Variants in MYO9A observed in about 807,000 individuals in gnomAD.
The protein encoded by MYO9A is unconventional myosin-IXa.
A neutral mutation model predicts 293.3 loss-of-function variants in MYO9A; 103 were observed. That is an observed-to-expected ratio of 0.35 (90% CI 0.30 to 0.41). The LOEUF (loss-of-function observed/expected upper bound fraction) is 0.41. Ranked by LOEUF, MYO9A falls within the 10% of genes least tolerant of loss-of-function variation. The pLI is 1.00. For synonymous variants in MYO9A, 1,001 were observed against 1,035.7 expected (o/e 0.97, Z 0.64); for missense variants, 2,685 against 3,033.0 (o/e 0.89, Z 2.69).
intron 2 of MYO9A, among the ~76,000 whole-genome samples, chr15:72,042,788 G>A (rs980425578): frequency 6.6e-6 from 1 of 152,040 alleles, no homozygotes; most frequent in Non-Finnish European, 1.5e-5. Context: ...GTGGGCAGGT[G>A]TGGTGACTCA....
intron 18 of MYO9A, 149 bp downstream of exon 18, chr15:71,933,521 T>C (rs2058539973): frequency 1.4e-6 from 1 of 719,112 alleles, no homozygotes; most frequent in Admixed American, 2.7e-5. Context: ...ACAGTGTTAT[T>C]TCTAAAATGG....
chr15:72,104,067 T>C (rs1475290550), intron 1 of MYO9A, among the ~76,000 whole-genome samples: 1 of 152,230 alleles, frequency 6.6e-6, no homozygotes, highest in East Asian at 1.9e-4. Context: ...TCGATATGCA[T>C]TCAGTAGAAA....
intron 18 of MYO9A, among the ~76,000 whole-genome samples, chr15:71,922,187 C>T (rs2058174204): frequency 6.6e-6 from 1 of 152,192 alleles, no homozygotes; most frequent in African/African-American, 2.4e-5. Flanking sequence ...CCATGTTGCC[C>T]AGGCTGGTCT....
In MYO9A at chr15:72,045,865, C is replaced by T. The variant is rs1174441519; in HGVS notation, c.699G>A (p.Gln233=). The change falls in exon 2 of 42, where the codon CAG becomes CAA. Residue 233 remains glutamine, a synonymous_variant. Coordinates refer to ENST00000356056, the MANE Select transcript of MYO9A (RefSeq NM_006901.4). ...YHAMLQRKKN[Q]CIVISGESGS... ...CACTCTCTCCTGAAATCACGATGCA[C>T]TGATTCTTTTTGCGCTGAAGCATGG... is the stretch of plus-strand genomic sequence containing the variant. The T allele has an allele frequency of 1.9e-6, 3 of 1,614,008 alleles. No individual in the cohort carries two copies. Among genetic ancestry groups the T allele is most frequent in the South Asian group, 1.1e-5 (1 of 91,084 alleles).
intron 2 of MYO9A, among the ~76,000 whole-genome samples, chr15:72,043,387 CAT>C (rs1018251778): frequency 1.2e-4 from 19 of 152,062 alleles, no homozygotes; most frequent in African/African-American, 4.1e-4. Context: ...GAAAAAAATG[CAT>C]ATGTCTACAT....
chr15:71,893,488 G>A, intron 26 of MYO9A, 191 bp downstream of exon 26: 1 of 606,570 alleles, frequency 1.6e-6, no homozygotes, highest in East Asian at 2.9e-5. Flanking sequence ...TAGCAACTGG[G>A]TTTTTAGGCA....
At chr15:71,928,903 G>GAGA (rs2058398842) in intron 18 of MYO9A, among the ~76,000 whole-genome samples, 1 of 144,146 alleles carries the variant, frequency 6.9e-6, no homozygotes, top group Non-Finnish European at 1.5e-5. Context: ...ATCTCTACGA[G>GAGA]AAAAAAAAAA....
At chr15:71,847,067 A>AG (rs2055419337) in intron 39 of MYO9A, among the ~76,000 whole-genome samples, 1 of 152,232 alleles carries the variant, frequency 6.6e-6, no homozygotes, top group Non-Finnish European at 1.5e-5. Flanking sequence ...CTGGGAACAC[A>AG]GCTCATAGAG....
At chr15:71,991,813 A>T (rs1320599670) in intron 10 of MYO9A, among the ~76,000 whole-genome samples, 1 of 152,284 alleles carries the variant, frequency 6.6e-6, no homozygotes, top group East Asian at 1.9e-4. Flanking sequence ...GAGTACAGTG[A>T]CGTGATCTCA....
At chr15:71,967,223 C>T (rs905706579) in intron 13 of MYO9A, among the ~76,000 whole-genome samples, 4 of 152,112 alleles carry the variant, frequency 2.6e-5, no homozygotes, top group African/African-American at 4.8e-5. Flanking sequence ...GATACACACA[C>T]ATATATATAT....
chr15:71,960,003 T>C lies in MYO9A; in HGVS notation c.2080A>G (p.Ile694Val). Residue 694 changes from isoleucine (I) to valine (V), a missense_variant, in exon 14 of 42, where the codon ATT becomes GTT. Ile to Val is a conservative substitution (Grantham distance 29, BLOSUM62 3). Around this residue, in one of 10 missense-constraint regions of MYO9A, gnomAD observed 201 missense variants for 245.2 expected, o/e 0.82. Coordinates refer to ENST00000356056, the MANE Select transcript of MYO9A (RefSeq NM_006901.4). ...CATCGGAAAACAGCTACAGGATCAA[T>C]TCCAATCATCCCAGAGATAAATGCA... ...KNAFISGMIG[I>V]DPVAVFRWAI... The C allele has an allele frequency of 6.2e-7, 1 of 1,614,110 alleles. No individual in the cohort carries two copies. The highest frequency in any genetic ancestry group is 8.5e-7 in the Non-Finnish European group (1 of 1,179,992).
intron 11 of MYO9A, among the ~76,000 whole-genome samples, chr15:71,979,070 A>G (rs746894233): frequency 3.9e-5 from 6 of 152,196 alleles, no homozygotes; most frequent in Admixed American, 6.5e-5. Context: ...CACTTACAGT[A>G]CTTGCAGCAC....
At chr15:71,933,454 A>T (rs2058537204) in intron 18 of MYO9A, among the ~76,000 whole-genome samples, 1 of 152,146 alleles carries the variant, frequency 6.6e-6, no homozygotes, top group African/African-American at 2.4e-5. Flanking sequence ...AACGCTAGAA[A>T]ATGGTATATA....
intron 39 of MYO9A, among the ~76,000 whole-genome samples, chr15:71,840,795 A>T (rs925704567): frequency 1.3e-5 from 2 of 151,968 alleles, no homozygotes; most frequent in South Asian, 4.1e-4. Flanking sequence ...ATGCCCGGCT[A>T]ATTTTTTTGT....
intron 1 of MYO9A, among the ~76,000 whole-genome samples, chr15:72,086,342 G>C (rs566434713): frequency 6.6e-6 from 1 of 152,150 alleles, no homozygotes; most frequent in East Asian, 1.9e-4. Flanking sequence ...ATTTACACAG[G>C]TGGGGATGGC....
chr15:71,849,690 TATTAAGACCAAAGGATTCAGAGCC>T lies in MYO9A; in HGVS notation c.6713+322_6713+345del, dbSNP rs144106224. 0.54 allele frequency among the ~76,000 whole-genome samples: 82,513 copies of T among 151,750 alleles called. 27,547 individuals are homozygous for T. The highest frequency in any genetic ancestry group is 0.73 in the Non-Finnish European group (49,703 of 67,844). On this transcript the variant is annotated intron_variant, in intron 38 of 41. Transcript: ENST00000356056. ...AAGGTGAAATACAGGAATACTGAAGTATTAAGACCAAAGGATTCAGAGCCATTAAGACCACAGTTAGACTAGATT... is the reference window on the plus strand; with the variant it reads ...AAGGTGAAATACAGGAATACTGAAGTATTAAGACCACAGTTAGACTAGATT...
intron 15 of MYO9A, among the ~76,000 whole-genome samples, chr15:71,940,848 G>C (rs1437091098): frequency 3.3e-5 from 5 of 152,100 alleles, no homozygotes; most frequent in Non-Finnish European, 7.4e-5. Context: ...TTGAGTCCAA[G>C]AGTTCAAGGC....
chr15:71,963,014 A>T (rs1369595564), intron 13 of MYO9A, among the ~76,000 whole-genome samples: 1 of 152,158 alleles, frequency 6.6e-6, no homozygotes, highest in East Asian at 1.9e-4. Flanking sequence ...CTGCCCTTCT[A>T]AGTCCTCATT....
intron 1 of MYO9A, among the ~76,000 whole-genome samples, chr15:72,061,276 C>T (rs1047111342): frequency 6.6e-6 from 1 of 152,110 alleles, no homozygotes; most frequent in African/African-American, 2.4e-5. Context: ...TGGTGGCCAC[C>T]GTGAGAGACT....
Sources: gnomAD v4.1 joint callset for allele counts (sites outside exome capture counted in the v4.1 genomes callset) on GRCh38, gnomAD v4.1.1 for gene constraint, gnomAD v4.1.1 regional missense constraint, MANE v1.5 for transcripts, NCBI Gene and HGNC (gene_info 2026-07-23, HGNC 2026-07-21) for gene names.